Variants in FBXW2 observed in about 807,000 individuals in gnomAD.
The protein encoded by FBXW2 is F-box and WD repeat domain containing 2, also known as F-box/WD repeat-containing protein 2.
A neutral mutation model predicts 46.0 loss-of-function variants in FBXW2; 12 were observed. That is an observed-to-expected ratio of 0.26 (90% CI 0.17 to 0.42). The LOEUF (loss-of-function observed/expected upper bound fraction) is 0.42, where lower values mean the gene tolerates loss of function less well. FBXW2 is among the 10% of genes least tolerant of loss of function. The pLI, the probability that FBXW2 is intolerant of heterozygous loss-of-function variation, is 1.00. For missense variants in FBXW2, 360 were observed against 537.0 expected (o/e 0.67, Z 3.26); for synonymous variants, 203 against 209.6 (o/e 0.97, Z 0.27).
intron 3 of FBXW2, among the ~76,000 whole-genome samples, chr9:120,780,366 A>G (rs1411915763): frequency 2.0e-5 from 3 of 152,104 alleles, no homozygotes; most frequent in Admixed American, 6.5e-5. Flanking sequence ...AAAAAAAAAA[A>G]AAAAGAAAAT....
At chr9:120,768,720 G>A (rs1313484871) in intron 7 of FBXW2, among the ~76,000 whole-genome samples, 3 of 152,070 alleles carry the variant, frequency 2.0e-5, no homozygotes, top group Non-Finnish European at 4.4e-5. Flanking sequence ...TACTCGGGAG[G>A]CTGAGGCAGG....
intron 7 of FBXW2, among the ~76,000 whole-genome samples, chr9:120,768,791 G>C (rs1221299687): frequency 6.6e-6 from 1 of 151,816 alleles, no homozygotes; most frequent in Non-Finnish European, 1.5e-5. Context: ...CACTGCACTA[G>C]AGCCTGGGTG....
chr9:120,772,772 T>C lies in FBXW2; in HGVS notation c.888A>G (p.Ala296=). 4 of 1,564,880 alleles carry C rather than the reference T, an allele frequency of 2.6e-6. No homozygotes were observed. Among genetic ancestry groups the C allele is most frequent in the South Asian group, 1.2e-5 (1 of 84,126 alleles). The change falls in exon 6 of 8, where the codon GCA becomes GCG. Residue 296 remains alanine, a synonymous_variant. Coordinates refer to ENST00000608872, the MANE Select transcript of FBXW2 (RefSeq NM_012164.4). ...AACTCACCTTAATCTCATATTTGTCTGCACTTAAGAGGATGTAGTCTCCAG... is the reference window on the plus strand; with the variant it reads ...AACTCACCTTAATCTCATATTTGTCCGCACTTAAGAGGATGTAGTCTCCAG... ...HSPGDYILLS[A]DKYEIKIWPI...
rs1335071997 is a variant in FBXW2, at chr9:120,761,495, C to A, written c.*3064G>T. ...AAGCCAAAGTCAGTGTGTGCAAGAG[C>A]TAGCTCTCAAAGGCAATGAAAGGAG... is the stretch of plus-strand genomic sequence containing the variant. On this transcript the variant is annotated 3_prime_UTR_variant, in exon 8 of 8. Transcript: ENST00000608872. The A allele has an allele frequency of 9.2e-5, 14 of 152,240 alleles. No homozygotes were observed. The highest frequency in any genetic ancestry group is 9.2e-4 in the Admixed American group (14 of 15,282). The allele number at this position is 152,240 out of a possible 1,614,324, so 9.4% of individuals were successfully genotyped here.
At chr9:120,790,475 C>G (rs1479679969) in intron 2 of FBXW2, among the ~76,000 whole-genome samples, 1 of 151,976 alleles carries the variant, frequency 6.6e-6, no homozygotes. Context: ...GAGAGCAAGA[C>G]TCCATCTCAA....
chr9:120,787,089 C>T (rs10985038), intron 3 of FBXW2, among the ~76,000 whole-genome samples: 16,976 of 152,156 alleles, frequency 0.11, 1,024 homozygotes, highest in Middle Eastern at 0.17. Context: ...AGTGCAGTGG[C>T]ACCATCTCAG....
rs1411301428 is a variant in FBXW2 at position 120,757,119 on chromosome 9, A to G, written c.*7440T>C. ...CAGACAGAATTCAAGAGATACAAAT[A>G]AGCACACATAAAAATATGTCATTTT... is the stretch of plus-strand genomic sequence containing the variant. On this transcript the variant is annotated 3_prime_UTR_variant, in exon 8 of 8. Coordinates refer to ENST00000608872, the MANE Select transcript of FBXW2 (RefSeq NM_012164.4). 6.6e-6 allele frequency: 1 copy of G among 151,600 alleles called. No homozygotes were observed. Among genetic ancestry groups the G allele is most frequent in the African/African-American group, 2.4e-5 (1 of 41,300 alleles). The allele number at this position is 151,600 out of a possible 1,614,324, so 9.4% of individuals were successfully genotyped here. A position where few individuals can be genotyped will look rare whatever the true frequency, so the allele number is the denominator to read the frequency against.
At chr9:120,764,950 G>C in intron 7 of FBXW2, 103 bp from the exon 8 acceptor site, 1 of 948,666 alleles carries the variant, frequency 1.1e-6, no homozygotes, top group Non-Finnish European at 1.5e-6. Flanking sequence ...TTAAATTCAA[G>C]CAAATTTAGA....
intron 2 of FBXW2, among the ~76,000 whole-genome samples, chr9:120,791,796 T>C (rs1588055051): frequency 6.6e-6 from 1 of 152,286 alleles, no homozygotes; most frequent in Middle Eastern, 3.4e-3. Flanking sequence ...GGTGCCTTAT[T>C]CTACCCACAT....
intron 5 of FBXW2, among the ~76,000 whole-genome samples, chr9:120,773,202 AAC>A (rs984725784): frequency 5.3e-5 from 8 of 152,136 alleles, no homozygotes; most frequent in Admixed American, 1.3e-4. Context: ...AAAAAAAAAA[AAC>A]AGTCTAAACA....
At chr9:120,765,795 G>GA (rs998263565) in intron 7 of FBXW2, among the ~76,000 whole-genome samples, 1 of 152,090 alleles carries the variant, frequency 6.6e-6, no homozygotes, top group Non-Finnish European at 1.5e-5. Flanking sequence ...AAGTTATTAT[G>GA]AAAAAAACTA....
intron 2 of FBXW2, chr9:120,792,835 G>A (rs2044878186): frequency 7.4e-7 from 1 of 1,359,034 alleles, no homozygotes; most frequent in Non-Finnish European, 9.8e-7. Flanking sequence ...TTATTACTTA[G>A]CATTAATATT....
rs2131272052 is a variant in FBXW2, at chr9:120,764,318, T to C, written c.*241A>G. On this transcript the variant is annotated 3_prime_UTR_variant, in exon 8 of 8. Coordinates refer to ENST00000608872, the MANE Select transcript of FBXW2 (RefSeq NM_012164.4). ...ATGCATCCTCTAACACTGACCAACA[T>C]AACTAAGTACAAATGAAGTCAATGG... 3 of 513,622 alleles carry C rather than the reference T, an allele frequency of 5.8e-6. No homozygotes were observed. In the East Asian group the frequency reaches 8.5e-5, roughly 15 times the overall value. The allele number at this position is 513,622 out of a possible 1,614,324, so 31.8% of individuals were successfully genotyped here.
In FBXW2 at chr9:120,757,228, T is replaced by C. The variant is rs962042089; in HGVS notation, c.*7331A>G. ...GCAACCTTGAGATACTTCCTTTATA[T>C]CTATTAAATTGGCAAACATGTTTAG... On this transcript the variant is annotated 3_prime_UTR_variant, in exon 8 of 8. Coordinates refer to ENST00000608872, the MANE Select transcript of FBXW2 (RefSeq NM_012164.4). The C allele has an allele frequency of 8.5e-5, 13 of 152,232 alleles. No individual in the cohort carries two copies. Among genetic ancestry groups the C allele is most frequent in the Non-Finnish European group, 1.8e-4 (12 of 68,046 alleles). The allele number at this position is 152,232 out of a possible 1,614,324, so 9.4% of individuals were successfully genotyped here. A position where few individuals can be genotyped will look rare whatever the true frequency, so the allele number is the denominator to read the frequency against.
At chr9:120,770,393 CAATG>C (rs2044354470) in intron 7 of FBXW2, among the ~76,000 whole-genome samples, 1 of 145,302 alleles carries the variant, frequency 6.9e-6, no homozygotes, top group South Asian at 2.2e-4. Flanking sequence ...AAAAAAAAAA[CAATG>C]AAGAGAATGT....
In FBXW2 at chr9:120,771,333, C is replaced by T. The variant is rs769070358; in HGVS notation, c.1076+15G>A. ...GGCTTTCAAAGGTAAAGCGTGAGGT[C>T]GAAGGAAACATTACCTGAGAATATC... On this transcript the variant is annotated intron_variant, in intron 7 of 7. Transcript: ENST00000608872. 1.2e-5 allele frequency: 20 copies of T among 1,600,818 alleles called. No individual in the cohort carries two copies. Among genetic ancestry groups the T allele is most frequent in the Admixed American group, 5.2e-5 (3 of 58,054 alleles).
chr9:120,760,010 A>C lies in FBXW2; in HGVS notation c.*4549T>G, dbSNP rs1392820501. ...GCATGGGGAACCTTTGATCAGAAAC[A>C]CTGCCAAAGATGGCTAATGGGCATT... On this transcript the variant is annotated 3_prime_UTR_variant, in exon 8 of 8. Coordinates refer to ENST00000608872, the MANE Select transcript of FBXW2 (RefSeq NM_012164.4). The C allele has an allele frequency of 6.6e-6, 1 of 152,232 alleles. No homozygotes were observed. The allele number at this position is 152,232 out of a possible 1,614,324, so 9.4% of individuals were successfully genotyped here.
At chr9:120,784,921 A>C (rs2044689025) in intron 3 of FBXW2, among the ~76,000 whole-genome samples, 1 of 146,104 alleles carries the variant, frequency 6.8e-6, no homozygotes, top group African/African-American at 2.5e-5. Flanking sequence ...TCCTGTTTCA[A>C]AAAAAAAAAA....
At chr9:120,764,868 G>T in intron 7 of FBXW2, 21 bp from the exon 8 acceptor site, 2 of 1,513,850 alleles carry the variant, frequency 1.3e-6, no homozygotes, top group South Asian at 2.7e-5. Context: ...GAGAGTTAGG[G>T]ACTGTGAAAG....
Sources: allele counts gnomAD v4.1 joint callset (sites outside exome capture counted in the v4.1 genomes callset), GRCh38; gene constraint gnomAD v4.1.1; transcripts MANE v1.5; gene names NCBI Gene and HGNC (gene_info 2026-07-23, HGNC 2026-07-21).